The following PIK3R5 variants were observed in gnomAD, a reference collection of about 807,000 sequenced individuals.
PIK3R5 encodes the protein phosphoinositide 3-kinase regulatory subunit 5.
In PIK3R5, 32 loss-of-function variants were observed where a neutral mutation model predicts 94.9. The observed-to-expected ratio is 0.34, with a 90% CI of 0.25 to 0.45. The LOEUF (loss-of-function observed/expected upper bound fraction) is 0.45. Among genes scored for constraint, PIK3R5 ranks in the 20% least tolerant of loss-of-function variants. The pLI is 1.00. For missense variants in PIK3R5, 853 were observed against 1,144.6 expected (o/e 0.75, Z 3.68); for synonymous variants, 443 against 479.4 (o/e 0.92, Z 0.99).
chr17:8,880,746 G>A lies in PIK3R5; in HGVS notation c.2536C>T (p.Leu846Phe). 6.2e-7 allele frequency: 1 copy of A among 1,613,922 alleles called. No homozygotes were observed. Among genetic ancestry groups the A allele is most frequent in the South Asian group, 1.1e-5 (1 of 91,064 alleles). Residue 846 changes from leucine (L) to phenylalanine (F), a missense_variant, in exon 19 of 19, where the codon CTC becomes TTC. Physicochemically the swap from Leu to Phe is conservative, Grantham distance 22 (BLOSUM62 0). Coordinates refer to ENST00000447110, the MANE Select transcript of PIK3R5 (RefSeq NM_001142633.3). ...SPCYKPEKSD[L>F]SSPPQTPPDL... is the part of the protein sequence containing the mutation. Reference sequence around the variant, plus strand: ...GGAGGCGTCTGGGGTGGTGAGGAGAGGTCGCTCTTCTCTGGCTTGTAGCAC... The same window carrying A: ...GGAGGCGTCTGGGGTGGTGAGGAGAAGTCGCTCTTCTCTGGCTTGTAGCAC...
chr17:8,888,527 C>T lies in PIK3R5; in HGVS notation c.1260G>A (p.Lys420=). The stretch of plus-strand genomic sequence containing the variant: ...TGAAGAGTTTATAGATCCTGATGAA[C>T]TTCTGCCCAGGCCTGCGGTGGCCTC... ...ERRGHRRPGQ[K]FIRIYKLFKS... Residue 420 remains lysine, a synonymous_variant, in exon 10 of 19, where the codon AAG becomes AAA. Transcript: ENST00000447110. The surrounding 1 kb of genome is among the most constrained non-coding windows in gnomAD (Gnocchi z 7.8). 6.2e-7 allele frequency: 1 copy of T among 1,611,628 alleles called. No individual in the cohort carries two copies. The highest frequency in any genetic ancestry group is 8.5e-7 in the Non-Finnish European group (1 of 1,179,586).
At chr17:8,927,422 G>C (rs1251660051) in intron 1 of PIK3R5, among the ~76,000 whole-genome samples, 1 of 152,154 alleles carries the variant, frequency 6.6e-6, no homozygotes, top group East Asian at 1.9e-4. Flanking sequence ...AGATAGCCAG[G>C]TCTTTTATCT....
chr17:8,940,868 T>C lies in PIK3R5; in HGVS notation c.-14+24728A>G, dbSNP rs373004330. ...GAGCCACTGTGCCTGGCCCCTGCTG[T>C]GTTTTTGAGAGAGAGGCAGGGAGGA... On this transcript the variant is annotated intron_variant, in intron 1 of 18. Transcript: ENST00000447110. 2.8e-4 allele frequency among the ~76,000 whole-genome samples: 42 copies of C among 152,252 alleles called. 1 individual carries two copies. Among genetic ancestry groups the C allele is most frequent in the Admixed American group, 4.6e-4 (7 of 15,296 alleles).
intron 5 of PIK3R5, among the ~76,000 whole-genome samples, chr17:8,894,072 T>C (rs911446448): frequency 6.6e-6 from 1 of 152,210 alleles, no homozygotes; most frequent in Admixed American, 6.5e-5. Flanking sequence ...CCAGCTCTTC[T>C]GCGTGGCCTT....
At chr17:8,910,878 G>T (rs759548511) in intron 2 of PIK3R5, among the ~76,000 whole-genome samples, 2 of 152,106 alleles carry the variant, frequency 1.3e-5, no homozygotes, top group African/African-American at 4.8e-5. Flanking sequence ...ACAGCCAGGC[G>T]CCAGCCTTCA....
chr17:8,922,794 G>T (rs936535297), intron 1 of PIK3R5, among the ~76,000 whole-genome samples: 1 of 152,072 alleles, frequency 6.6e-6, no homozygotes, highest in African/African-American at 2.4e-5. Flanking sequence ...TAGCTAGTGG[G>T]CAGGAGAAGG....
At position 8,903,749 on chromosome 17, in the gene PIK3R5, T is replaced by A. The variant is rs571386258; in HGVS notation, c.412+1028A>T. Among the ~76,000 whole-genome samples the A allele has an allele frequency of 7.1e-4, 108 of 152,172 alleles. 1 individual carries two copies. Among genetic ancestry groups the A allele is most frequent in the Non-Finnish European group, 1.1e-3 (72 of 68,026 alleles). On this transcript the variant is annotated intron_variant, in intron 5 of 18. Transcript: ENST00000447110. Reference sequence around the variant, plus strand: ...ATTTTTTAAAATTATGTTTTCTCACTGGTTAATGCTGGTTTATAAAAAAAG... The same window carrying A: ...ATTTTTTAAAATTATGTTTTCTCACAGGTTAATGCTGGTTTATAAAAAAAG...
At position 8,884,643 on chromosome 17, in the gene PIK3R5, G is replaced by A. The variant is rs2151352918; in HGVS notation, c.2205+64C>T. 1 of 1,337,194 alleles carries A rather than the reference G, an allele frequency of 7.5e-7. No homozygotes were observed. Among genetic ancestry groups the A allele is most frequent in the African/African-American group, 1.4e-5 (1 of 69,818 alleles). The allele number at this position is 1,337,194 out of a possible 1,614,324, so 82.8% of individuals were successfully genotyped here. On this transcript the variant is annotated intron_variant, in intron 15 of 18. Coordinates refer to ENST00000447110, the MANE Select transcript of PIK3R5 (RefSeq NM_001142633.3). The surrounding 1 kb of genome is among the most constrained non-coding windows in gnomAD (Gnocchi z 5.8). ...CACACGAGTCCAGCTCTGGGTCCAA[G>A]CTCTGGCGGAGGAAGTATCAGCAGC...
intron 1 of PIK3R5, among the ~76,000 whole-genome samples, chr17:8,965,003 A>C (rs867509785): frequency 1.2e-3 from 147 of 127,282 alleles, no homozygotes; most frequent in Middle Eastern, 4.3e-3. Context: ...GCGCATGCCC[A>C]CACACACACA....
intron 6 of PIK3R5, among the ~76,000 whole-genome samples, chr17:8,891,680 C>T (rs2090028093): frequency 6.6e-6 from 1 of 151,574 alleles, no homozygotes; most frequent in African/African-American, 2.4e-5. Flanking sequence ...CACTGCAAGC[C>T]CCGCCTCCCG....
chr17:8,913,817 TGA>T (rs2090578093), intron 1 of PIK3R5, among the ~76,000 whole-genome samples: 1 of 152,212 alleles, frequency 6.6e-6, no homozygotes. Context: ...CCCTTCCATG[TGA>T]CTTTTACAGT....
At chr17:8,941,438 C>CA (rs1480260493) in intron 1 of PIK3R5, among the ~76,000 whole-genome samples, 26 of 45,098 alleles carry the variant, frequency 5.8e-4, no homozygotes, top group Non-Finnish European at 1.3e-3. Flanking sequence ...CTAAGTTGAA[C>CA]AGAATAATAC....
chr17:8,918,992 T>A (rs928049955), intron 1 of PIK3R5, among the ~76,000 whole-genome samples: 1 of 152,204 alleles, frequency 6.6e-6, no homozygotes, highest in Non-Finnish European at 1.5e-5. Context: ...ATATGGTGAT[T>A]ACTCACCACA....
At chr17:8,943,145 T>G (rs1177389225) in intron 1 of PIK3R5, among the ~76,000 whole-genome samples, 1 of 151,534 alleles carries the variant, frequency 6.6e-6, no homozygotes, top group African/African-American at 2.4e-5. Context: ...CACAATCACA[T>G]CTCACTGCAA....
At position 8,881,546 on chromosome 17, in the gene PIK3R5, T is replaced by TGC. The variant is rs1387768103; in HGVS notation, c.2382+82_2382+83dup. 7.1e-5 allele frequency: 74 copies of TGC among 1,047,044 alleles called. No individual in the cohort carries two copies. The highest frequency in any genetic ancestry group is 9.6e-5 in the Non-Finnish European group (66 of 684,728). The allele number at this position is 1,047,044 out of a possible 1,614,324, so 64.9% of individuals were successfully genotyped here. ...GTGCACACATGCACACACATACATG[T>TGC]GCACACACACGTACACACATACGCA... On this transcript the variant is annotated intron_variant, in intron 17 of 18. Coordinates refer to ENST00000447110, the MANE Select transcript of PIK3R5 (RefSeq NM_001142633.3). This position sits in a 1 kb window ranked among gnomAD's most constrained non-coding sequence, Gnocchi z 4.8.
intron 18 of PIK3R5, 44 bp downstream of exon 18, chr17:8,880,861 T>G (rs778524887): frequency 2.5e-6 from 4 of 1,612,374 alleles, no homozygotes; most frequent in African/African-American, 1.3e-5. Flanking sequence ...TCTGGGTTGG[T>G]GGGAGCAGAA....
chr17:8,910,949 T>C (rs1187821993), intron 2 of PIK3R5, among the ~76,000 whole-genome samples: 2 of 152,102 alleles, frequency 1.3e-5, no homozygotes, highest in South Asian at 2.1e-4. Context: ...GTGGGAAACA[T>C]AGAGGCCTCC....
intron 1 of PIK3R5, among the ~76,000 whole-genome samples, chr17:8,939,286 C>A (rs867674859): frequency 7.9e-5 from 12 of 152,332 alleles, no homozygotes; most frequent in African/African-American, 2.9e-4. Context: ...ATTGCTCCAG[C>A]AGTAGGAATT....
chr17:8,952,402 A>T (rs1397506309), intron 1 of PIK3R5, among the ~76,000 whole-genome samples: 3 of 152,224 alleles, frequency 2.0e-5, no homozygotes, highest in East Asian at 3.8e-4. Context: ...TGACTTAAAG[A>T]CCACACGGTA....
Sources: gnomAD v4.1 joint callset for allele counts (sites outside exome capture counted in the v4.1 genomes callset) on GRCh38, gnomAD v4.1.1 for gene constraint, Gnocchi (gnomAD v3.1) non-coding constraint, MANE v1.5 for transcripts, NCBI Gene and HGNC (gene_info 2026-07-23, HGNC 2026-07-21) for gene names.